Variants in NALF1 observed in about 807,000 individuals in gnomAD.
NALF1 encodes the protein family with sequence similarity 155 member A.
A neutral mutation model predicts 48.4 loss-of-function variants in NALF1; 3 were observed. That is an observed-to-expected ratio of 0.06 (90% confidence interval 0.03 to 0.16). The LOEUF (loss-of-function observed/expected upper bound fraction) is 0.16. Ranked by LOEUF, NALF1 falls within the 10% of genes least tolerant of loss-of-function variation. The pLI, the probability that NALF1 is intolerant of heterozygous loss-of-function variation, is 1.00. For missense variants in NALF1, 526 were observed against 571.5 expected, an observed-to-expected ratio of 0.92 and a Z score of 0.81; for synonymous variants, 262 against 245.7, an observed-to-expected ratio of 1.07 and a Z score of -0.62.
At chr13:107,732,506 T>C (rs1004103971) in intron 1 of NALF1, among the ~76,000 whole-genome samples, 1 of 152,178 alleles carries the variant, frequency 6.6e-6, no homozygotes, top group African/African-American at 2.4e-5. Context: ...GACGTGGCAG[T>C]ACCTATGTCC....
At chr13:107,183,011 A>G (rs1879099082) in intron 2 of NALF1, among the ~76,000 whole-genome samples, 2 of 152,182 alleles carry the variant, frequency 1.3e-5, no homozygotes, top group African/African-American at 4.8e-5. Context: ...AAATTAAGGT[A>G]TTGTATGGCC....
intron 1 of NALF1, among the ~76,000 whole-genome samples, chr13:107,503,579 C>G (rs1314873137): frequency 6.6e-6 from 1 of 152,066 alleles, no homozygotes; most frequent in East Asian, 1.9e-4. Context: ...ACCACATGAC[C>G]CTGTAATCCC....
chr13:107,187,921 C>T (rs1415098787), intron 2 of NALF1, among the ~76,000 whole-genome samples: 1 of 152,006 alleles, frequency 6.6e-6, no homozygotes, highest in Non-Finnish European at 1.5e-5. Context: ...TGGTTTCTGC[C>T]ATTAAAAGTT....
At chr13:107,684,892 C>T (rs936654644) in intron 1 of NALF1, among the ~76,000 whole-genome samples, 4 of 152,176 alleles carry the variant, frequency 2.6e-5, no homozygotes, top group African/African-American at 9.7e-5. Flanking sequence ...CCAGAAATGC[C>T]TTTGCCACCT....
At chr13:107,382,522 T>C (rs1245961912) in intron 1 of NALF1, among the ~76,000 whole-genome samples, 2 of 152,214 alleles carry the variant, frequency 1.3e-5, no homozygotes. Flanking sequence ...TACATAACTG[T>C]AGTTTATCAG....
At chr13:107,705,392 G>A (rs1881923487) in intron 1 of NALF1, among the ~76,000 whole-genome samples, 1 of 152,162 alleles carries the variant, frequency 6.6e-6, no homozygotes, top group African/African-American at 2.4e-5. Context: ...AACCAGCAAA[G>A]TACTTGTGAG....
intron 1 of NALF1, among the ~76,000 whole-genome samples, chr13:107,702,109 A>G (rs962796527): frequency 2.6e-5 from 4 of 152,224 alleles, no homozygotes; most frequent in African/African-American, 9.6e-5. Flanking sequence ...GTAGCTATAC[A>G]TATATGGAAT....
chr13:107,384,363 T>A (rs571025242), intron 1 of NALF1, among the ~76,000 whole-genome samples: 1 of 152,346 alleles, frequency 6.6e-6, no homozygotes, highest in East Asian at 1.9e-4. Flanking sequence ...TACAGAAATC[T>A]AGATTTGGCC....
chr13:107,245,527 C>T (rs1051742893), intron 1 of NALF1, among the ~76,000 whole-genome samples: 10 of 152,060 alleles, frequency 6.6e-5, no homozygotes, highest in Admixed American at 6.6e-4. Context: ...AATAATAAAT[C>T]CTTACTGTAA....
rs1878614479 is a variant in NALF1 at position 107,164,245 on chromosome 13, CTAAA to C, written c.*6248_*6251del. ...CTGATTCTATGCAACTCTCACCTAC[CTAAA>C]TAGATACAAATCAATGAAATAATTT... On this transcript the variant is annotated 3_prime_UTR_variant, in exon 3 of 3. Coordinates refer to ENST00000375915, the MANE Select transcript of NALF1 (RefSeq NM_001080396.3). 6.6e-6 allele frequency: 1 copy of C among 152,224 alleles called. No individual in the cohort carries two copies. Among genetic ancestry groups the C allele is most frequent in the East Asian group, 1.9e-4 (1 of 5,182 alleles). The allele number at this position is 152,224 out of a possible 1,614,324, so 9.4% of individuals were successfully genotyped here. A position where few individuals can be genotyped will look rare whatever the true frequency, so the allele number is the denominator to read the frequency against.
chr13:107,737,684 C>T (rs574441063), intron 1 of NALF1, among the ~76,000 whole-genome samples: 13 of 152,182 alleles, frequency 8.5e-5, no homozygotes, highest in Middle Eastern at 6.8e-3. Context: ...GCTCAAGGGA[C>T]GGGAATAGAA....
At chr13:107,818,095 C>A (rs541241449) in intron 1 of NALF1, among the ~76,000 whole-genome samples, 1 of 152,270 alleles carries the variant, frequency 6.6e-6, no homozygotes, top group African/African-American at 2.4e-5. Flanking sequence ...TGATTTTCTT[C>A]TATGCTGTCT....
At chr13:107,231,498 GA>G (rs2138825332) in intron 1 of NALF1, among the ~76,000 whole-genome samples, 1 of 152,084 alleles carries the variant, frequency 6.6e-6, no homozygotes, top group South Asian at 2.1e-4. Context: ...TTCAGACTAG[GA>G]AAAAAACGTC....
chr13:107,462,424 C>T (rs1214581478), intron 1 of NALF1, among the ~76,000 whole-genome samples: 1 of 152,140 alleles, frequency 6.6e-6, no homozygotes, highest in African/African-American at 2.4e-5. Context: ...TACATAAGTG[C>T]ATTTATTTAT....
chr13:107,692,656 G>A (rs1240878507), intron 1 of NALF1, among the ~76,000 whole-genome samples: 1 of 152,122 alleles, frequency 6.6e-6, no homozygotes, highest in Non-Finnish European at 1.5e-5. Flanking sequence ...ATGTGAATCT[G>A]AAGCCAAAAC....
At chr13:107,844,355 C>A (rs1880117406) in intron 1 of NALF1, among the ~76,000 whole-genome samples, 1 of 151,922 alleles carries the variant, frequency 6.6e-6, no homozygotes, top group Non-Finnish European at 1.5e-5. Context: ...TGTCAGGGTT[C>A]TTTTATATTT....
rs948849378 is a variant in NALF1, at chr13:107,590,753, G to A, written c.915+274929C>T. ...GTTTACATTGCCTTATGAGGAAGAC[G>A]TTGAGCCTGTGTGTCATGTCGCAGT... On this transcript the variant is annotated intron_variant, in intron 1 of 2. Transcript: ENST00000375915. 3.4e-4 allele frequency among the ~76,000 whole-genome samples: 51 copies of A among 151,916 alleles called. 1 individual carries two copies. The highest frequency in any genetic ancestry group is 1.2e-3 in the African/African-American group (48 of 41,374).
At chr13:107,283,648 A>C (rs1881432766) in intron 1 of NALF1, among the ~76,000 whole-genome samples, 1 of 148,226 alleles carries the variant, frequency 6.7e-6, no homozygotes, top group Admixed American at 6.8e-5. Flanking sequence ...TTATTTATTT[A>C]TTTATTTATT....
chr13:107,700,567 T>C (rs1389936979), intron 1 of NALF1, among the ~76,000 whole-genome samples: 1 of 152,058 alleles, frequency 6.6e-6, no homozygotes, highest in Admixed American at 6.6e-5. Context: ...GACATTGGCC[T>C]TGGCAATGAT....
Sources: allele counts gnomAD v4.1 joint callset (sites outside exome capture counted in the v4.1 genomes callset), GRCh38; gene constraint gnomAD v4.1.1; transcripts MANE v1.5; gene names NCBI Gene and HGNC (gene_info 2026-07-23, HGNC 2026-07-21).